Variants in RRM1 observed in about 807,000 individuals in gnomAD.
RRM1 encodes the protein ribonucleoside-diphosphate reductase large subunit.
RRM1 carries 19 observed loss-of-function variants against 101.5 expected under a neutral mutation model. The observed-to-expected ratio is 0.19, with a 90% CI of 0.13 to 0.27. RRM1 has a LOEUF of 0.27. Among genes scored for constraint, RRM1 ranks in the 10% least tolerant of loss-of-function variants. The probability of loss-of-function intolerance (pLI) is 1.00; values close to 1 mark genes in which losing one functional copy is unlikely to be tolerated. For synonymous variants in RRM1, 298 were observed against 323.4 expected, an observed-to-expected ratio of 0.92 and a Z score of 0.84; for missense variants, 500 against 962.9, an observed-to-expected ratio of 0.52 and a Z score of 6.36.
At chr11:4,104,145 T>G (rs1769335767) in intron 2 of RRM1, among the ~76,000 whole-genome samples, 1 of 152,042 alleles carries the variant, frequency 6.6e-6, no homozygotes, top group African/African-American at 2.4e-5. Flanking sequence ...TGCTGTTAGA[T>G]CTGGCACAGT....
chr11:4,117,988 T>C (rs551826191), intron 7 of RRM1, among the ~76,000 whole-genome samples: 1 of 152,346 alleles, frequency 6.6e-6, no homozygotes, highest in South Asian at 2.1e-4. Flanking sequence ...GTGATGTATG[T>C]TTATGAATAT....
At chr11:4,131,387 T>C (rs1009103962) in intron 15 of RRM1, among the ~76,000 whole-genome samples, 1 of 152,162 alleles carries the variant, frequency 6.6e-6, no homozygotes, top group Admixed American at 6.5e-5. Context: ...CTATATCCAG[T>C]TGTACAGACT....
intron 18 of RRM1, 36 bp downstream of exon 18, chr11:4,135,306 G>C (rs949865550): frequency 6.9e-7 from 1 of 1,456,578 alleles, no homozygotes; most frequent in African/African-American, 1.4e-5. Flanking sequence ...TTAATTGCCA[G>C]CTTGAGATAT....
chr11:4,107,427 T>C lies in RRM1; in HGVS notation c.287-8T>C. 1 of 1,571,284 alleles carries C rather than the reference T, an allele frequency of 6.4e-7. No homozygotes were observed. The highest frequency in any genetic ancestry group is 8.8e-7 in the Non-Finnish European group (1 of 1,142,560). On this transcript the variant is annotated splice_region_variant and splice_polypyrimidine_tract_variant and intron_variant, in intron 3 of 18. Coordinates refer to ENST00000300738, the MANE Select transcript of RRM1 (RefSeq NM_001033.5). The stretch of plus-strand genomic sequence containing the variant: ...TGATATATTTTCATTTTTTGTTGTA[T>C]TTTTTAGATGTGATGGAAGACCTCT...
intron 15 of RRM1, 55 bp downstream of exon 15, chr11:4,129,205 C>A: frequency 9.8e-7 from 1 of 1,016,926 alleles, no homozygotes; most frequent in Non-Finnish European, 1.5e-6. Context: ...GGTTCACCTT[C>A]TGGATCTTCA....
chr11:4,122,363 T>C (rs2133309394), intron 11 of RRM1, 143 bp downstream of exon 11: 1 of 579,202 alleles, frequency 1.7e-6, no homozygotes, highest in East Asian at 2.9e-5. Context: ...TCAGATTTGC[T>C]TCCTGACTCT....
chr11:4,100,982 TTG>T (rs2094550139), intron 1 of RRM1, among the ~76,000 whole-genome samples: 1 of 152,086 alleles, frequency 6.6e-6, no homozygotes, highest in African/African-American at 2.4e-5. Context: ...TAAGACTTTT[TTG>T]TCTAGAAGGA....
rs1232444781 is a variant in RRM1, at chr11:4,094,909, G to A, written c.-104G>A. 1.6e-6 allele frequency: 2 copies of A among 1,229,982 alleles called. No individual in the cohort carries two copies. Among genetic ancestry groups the A allele is most frequent in the Non-Finnish European group, 2.3e-6 (2 of 854,592 alleles). 76.2% of individuals were successfully genotyped at this position (1,229,982 alleles called of 1,614,324 possible). On this transcript the variant is annotated 5_prime_UTR_variant, in exon 1 of 19. Transcript: ENST00000300738. ...ACTCCAGTTCTTTCCCCTGAGCAGC[G>A]CCTGGAACCTAACCCTTCCCACTCT...
chr11:4,117,833 C>G (rs1380868280), intron 7 of RRM1, among the ~76,000 whole-genome samples: 3 of 152,102 alleles, frequency 2.0e-5, no homozygotes, highest in African/African-American at 7.2e-5. Context: ...AGGATGAGAT[C>G]CAAAGTGAGG....
At chr11:4,133,229 T>A (rs2094603379) in intron 16 of RRM1, among the ~76,000 whole-genome samples, 2 of 152,104 alleles carry the variant, frequency 1.3e-5, no homozygotes, top group African/African-American at 4.8e-5. Context: ...CAGGCTGGAG[T>A]GCAGTGGCAT....
At chr11:4,130,086 A>ATATATATATTTTTTTTT (rs1202870487) in intron 15 of RRM1, among the ~76,000 whole-genome samples, 3 of 99,444 alleles carry the variant, frequency 3.0e-5, no homozygotes, top group African/African-American at 1.6e-4. Flanking sequence ...ATATATATAT[A>ATATATATATTTTTTTTT]TTTTTTTTTT....
At chr11:4,109,558 C>A in intron 4 of RRM1, 86 bp from the exon 5 acceptor site, 2 of 991,152 alleles carry the variant, frequency 2.0e-6, no homozygotes, top group Non-Finnish European at 3.0e-6. Context: ...GATTTTAGTT[C>A]TGGAGTCAGG....
intron 7 of RRM1, 83 bp from the exon 8 acceptor site, chr11:4,118,237 C>A: frequency 3.4e-6 from 4 of 1,170,268 alleles, no homozygotes; most frequent in South Asian, 1.9e-5. Flanking sequence ...TTTTTTTTGC[C>A]TTAGTGTCTT....
intron 4 of RRM1, among the ~76,000 whole-genome samples, chr11:4,109,363 T>C (rs1254668650): frequency 6.6e-6 from 1 of 152,046 alleles, no homozygotes; most frequent in Non-Finnish European, 1.5e-5. Flanking sequence ...ATAGTAAAAG[T>C]TTGGAAAATC....
chr11:4,115,559 C>G (rs1161192543), intron 7 of RRM1, among the ~76,000 whole-genome samples: 1 of 151,498 alleles, frequency 6.6e-6, no homozygotes, highest in East Asian at 1.9e-4. Flanking sequence ...GATACCTCCA[C>G]TTACCTTTTT....
intron 17 of RRM1, among the ~76,000 whole-genome samples, chr11:4,134,541 A>T (rs1214525888): frequency 6.6e-6 from 1 of 152,286 alleles, no homozygotes; most frequent in East Asian, 1.9e-4. Context: ...TCCATATTTA[A>T]TGACAGAAAC....
At chr11:4,117,760 A>G (rs988286204) in intron 7 of RRM1, among the ~76,000 whole-genome samples, 2 of 152,218 alleles carry the variant, frequency 1.3e-5, no homozygotes, top group African/African-American at 4.8e-5. Context: ...ATCCATTTGC[A>G]TGATTGAATA....
chr11:4,120,356 T>C (rs897313770), intron 9 of RRM1, among the ~76,000 whole-genome samples: 1 of 152,130 alleles, frequency 6.6e-6, no homozygotes, highest in Non-Finnish European at 1.5e-5. Flanking sequence ...GGTTGTAACA[T>C]GTGCTCTAGG....
intron 9 of RRM1, among the ~76,000 whole-genome samples, chr11:4,120,376 CG>C (rs1013166164): frequency 4.6e-5 from 7 of 151,650 alleles, no homozygotes; most frequent in African/African-American, 1.2e-4. Context: ...GTTTTTCTTT[CG>C]TTTTTTTTTT....
Sources: allele counts gnomAD v4.1 joint callset (sites outside exome capture counted in the v4.1 genomes callset), GRCh38; gene constraint gnomAD v4.1.1; transcripts MANE v1.5; gene names NCBI Gene and HGNC (gene_info 2026-07-23, HGNC 2026-07-21).